The following TMPRSS11A variants were observed in gnomAD, a reference collection of about 807,000 sequenced individuals.
TMPRSS11A encodes the protein transmembrane serine protease 11A.
In TMPRSS11A, 53 loss-of-function variants were observed where a neutral mutation model predicts 58.9. The ratio of observed to expected loss-of-function variants is 0.90; its 90% confidence interval spans 0.72 to 1.13. TMPRSS11A has a LOEUF of 1.13. TMPRSS11A is among the 50% of genes most tolerant of loss of function. The pLI is 0.00. For missense variants in TMPRSS11A, 493 were observed against 499.3 expected, an observed-to-expected ratio of 0.99 and a Z score of 0.12; for synonymous variants, 167 against 169.8, an observed-to-expected ratio of 0.98 and a Z score of 0.13.
In TMPRSS11A at chr4:67,910,356, G is replaced by T. The variant is rs752617146; in HGVS notation, c.*986C>A. ...TGGGACATTGCCATAAGCCTTATAA[G>T]CTATTTGGCTGTAGCAATGCGAGGG... On this transcript the variant is annotated 3_prime_UTR_variant, in exon 10 of 10. Coordinates refer to ENST00000508048, the MANE Select transcript of TMPRSS11A (RefSeq NM_001114387.2). 6.6e-6 allele frequency: 1 copy of T among 151,990 alleles called. No individual in the cohort carries two copies. The highest frequency in any genetic ancestry group is 1.5e-5 in the Non-Finnish European group (1 of 67,928). 9.4% of individuals were successfully genotyped at this position (151,990 alleles called of 1,614,324 possible). A position where few individuals can be genotyped will look rare whatever the true frequency, so the allele number is the denominator to read the frequency against.
chr4:67,944,207 T>A (rs539275535), intron 3 of TMPRSS11A, among the ~76,000 whole-genome samples: 1 of 152,126 alleles, frequency 6.6e-6, no homozygotes, highest in Non-Finnish European at 1.5e-5. Flanking sequence ...GGAAACGTGG[T>A]GGAATTGGGG....
intron 8 of TMPRSS11A, among the ~76,000 whole-genome samples, chr4:67,918,447 T>C (rs144014920): frequency 1.3e-3 from 202 of 152,340 alleles, no homozygotes; most frequent in African/African-American, 4.6e-3. Context: ...TTTTGCTACA[T>C]AGGCATAAAG....
intron 1 of TMPRSS11A, among the ~76,000 whole-genome samples, chr4:67,956,613 T>C (rs1163917495): frequency 6.6e-6 from 1 of 152,154 alleles, no homozygotes; most frequent in African/African-American, 2.4e-5. Flanking sequence ...TTGTAAGAAA[T>C]AAATGAGATA....
intron 1 of TMPRSS11A, among the ~76,000 whole-genome samples, chr4:67,949,856 C>CA (rs1553923577): frequency 1.3e-5 from 2 of 151,116 alleles, no homozygotes; most frequent in East Asian, 1.9e-4. Context: ...GACTCCATCT[C>CA]AAAAAAAAGT....
At chr4:67,932,132 G>A (rs1720641917) in intron 3 of TMPRSS11A, 72 bp from the exon 4 acceptor site, 1 of 876,166 alleles carries the variant, frequency 1.1e-6, no homozygotes, top group Non-Finnish European at 1.7e-6. Context: ...TTGATTAAAT[G>A]TTAAAGCAAT....
chr4:67,918,998 T>C lies in TMPRSS11A; in HGVS notation c.927A>G (p.Thr309=), dbSNP rs778484827. 1 of 1,614,156 alleles carries C rather than the reference T, an allele frequency of 6.2e-7. No homozygotes were observed. The highest frequency in any genetic ancestry group is 2.2e-5 in the East Asian group (1 of 44,872). The part of the protein sequence containing the change: ...SFQPNLTVHI[T]GFGALYYGGE... ...CACCATAGTAAAGTGCTCCAAATCCTGTGATGTGGACAGTCAAATTTGGTT... is the reference window on the plus strand; with the variant it reads ...CACCATAGTAAAGTGCTCCAAATCCCGTGATGTGGACAGTCAAATTTGGTT... Residue 309 remains threonine, a synonymous_variant, in exon 8 of 10, where the codon ACA becomes ACG. Transcript: ENST00000508048.
chr4:67,933,325 C>G (rs967551655), intron 3 of TMPRSS11A, among the ~76,000 whole-genome samples: 2 of 152,206 alleles, frequency 1.3e-5, no homozygotes, highest in African/African-American at 4.8e-5. Context: ...TCCCTGGCAT[C>G]ACGCAGATAC....
chr4:67,948,218 G>T (rs1190296161), intron 1 of TMPRSS11A, among the ~76,000 whole-genome samples: 1 of 145,360 alleles, frequency 6.9e-6, no homozygotes, highest in African/African-American at 2.6e-5. Context: ...GAGTGCAGTG[G>T]TGTGATCTCT....
intron 1 of TMPRSS11A, among the ~76,000 whole-genome samples, chr4:67,961,462 C>G (rs1041258940): frequency 1.5e-5 from 2 of 130,940 alleles, no homozygotes; most frequent in African/African-American, 6.7e-5. Context: ...CTTTTCTTTT[C>G]TTTCCTTTCC....
chr4:67,929,309 G>A (rs1373716460), intron 5 of TMPRSS11A, among the ~76,000 whole-genome samples: 1 of 151,212 alleles, frequency 6.6e-6, no homozygotes, highest in East Asian at 1.9e-4. Flanking sequence ...GGCTAAGGGT[G>A]AACAAAAAAA....
chr4:67,918,035 C>G (rs908181773), intron 8 of TMPRSS11A, among the ~76,000 whole-genome samples: 3 of 152,204 alleles, frequency 2.0e-5, no homozygotes, highest in Non-Finnish European at 2.9e-5. Flanking sequence ...AAAACCGATT[C>G]CTGCCTATGT....
At chr4:67,935,497 T>A (rs1325028883) in intron 3 of TMPRSS11A, among the ~76,000 whole-genome samples, 1 of 152,208 alleles carries the variant, frequency 6.6e-6, no homozygotes, top group African/African-American at 2.4e-5. Flanking sequence ...TTTTATTCTT[T>A]AATGTAAACA....
Position 67,944,504 on chromosome 4 carries a change from G to C in TMPRSS11A, c.252+15C>G. 1.9e-6 allele frequency: 3 copies of C among 1,603,074 alleles called. No individual in the cohort carries two copies. The highest frequency in any genetic ancestry group is 2.6e-6 in the Non-Finnish European group (3 of 1,176,116). The stretch of plus-strand genomic sequence containing the variant: ...TTGCATTATTCTATGATAAAAAGAA[G>C]TTTACCTGACTCACCAAATTTTCGG... On this transcript the variant is annotated intron_variant, in intron 3 of 9. Transcript: ENST00000508048.
At chr4:67,962,052 G>A (rs1721442765) in intron 1 of TMPRSS11A, among the ~76,000 whole-genome samples, 1 of 152,064 alleles carries the variant, frequency 6.6e-6, no homozygotes, top group East Asian at 1.9e-4. Context: ...TATAAACATG[G>A]ATATGCATTT....
intron 1 of TMPRSS11A, among the ~76,000 whole-genome samples, chr4:67,952,596 A>G (rs1312687230): frequency 6.6e-6 from 1 of 152,162 alleles, no homozygotes. Context: ...GGTTCCCATA[A>G]TGGTGGCCAA....
intron 1 of TMPRSS11A, among the ~76,000 whole-genome samples, chr4:67,956,228 TTTA>T (rs1487866066): frequency 6.6e-6 from 1 of 152,114 alleles, no homozygotes; most frequent in Non-Finnish European, 1.5e-5. Flanking sequence ...TGTGGTAGGC[TTTA>T]TTATTAACAA....
At chr4:67,939,262 T>C (rs1401089158) in intron 3 of TMPRSS11A, among the ~76,000 whole-genome samples, 1 of 152,204 alleles carries the variant, frequency 6.6e-6, no homozygotes, top group Non-Finnish European at 1.5e-5. Context: ...TGTACATTGA[T>C]TTTGTATCCT....
At chr4:67,945,425 G>T (rs1720977240) in intron 2 of TMPRSS11A, among the ~76,000 whole-genome samples, 1 of 152,142 alleles carries the variant, frequency 6.6e-6, no homozygotes, top group Non-Finnish European at 1.5e-5. Flanking sequence ...TATCAGGAAG[G>T]CATATGTCTT....
At chr4:67,956,694 C>T (rs1721298788) in intron 1 of TMPRSS11A, among the ~76,000 whole-genome samples, 1 of 152,208 alleles carries the variant, frequency 6.6e-6, no homozygotes, top group African/African-American at 2.4e-5. Flanking sequence ...ACAAATGAAT[C>T]ATCACCCACT....
Sources: allele counts gnomAD v4.1 joint callset (sites outside exome capture counted in the v4.1 genomes callset), GRCh38; gene constraint gnomAD v4.1.1; transcripts MANE v1.5; gene names NCBI Gene and HGNC (gene_info 2026-07-23, HGNC 2026-07-21).